Variants in WDR72 observed in about 807,000 individuals in gnomAD.
WDR72 encodes WD repeat-containing protein 72.
A neutral mutation model predicts 124.2 loss-of-function variants in WDR72; 120 were observed. That is an observed-to-expected ratio of 0.97 (90% CI 0.83 to 1.12). WDR72 has a LOEUF of 1.12. Among genes scored for constraint, WDR72 ranks in the 50% most tolerant of loss-of-function variants. The pLI is 0.00. For missense variants in WDR72, 1,387 were observed against 1,278.8 expected (o/e 1.08, Z -1.29); for synonymous variants, 452 against 441.7 (o/e 1.02, Z -0.29).
chr15:53,604,976 T>A (rs1018141549), intron 17 of WDR72, among the ~76,000 whole-genome samples: 2 of 152,160 alleles, frequency 1.3e-5, no homozygotes, highest in Non-Finnish European at 2.9e-5. Context: ...AACCCAACAA[T>A]CCCATTAGTG....
rs767024154 is a variant in WDR72 at position 53,716,657 on chromosome 15, C to T, written c.289G>A (p.Gly97Arg). The T allele has an allele frequency of 5.0e-6, 8 of 1,608,434 alleles. No individual in the cohort carries two copies. The highest frequency in any genetic ancestry group is 4.5e-5 in the East Asian group (2 of 44,828). ...AGTGTAGCCTTCTCCATGCACTGTC[C>T]ATTGGTGACATTCCAAACACACATC... ...GEMCVWNVTNGQCMEKATLPY... is the reference protein window; with the variant it reads ...GEMCVWNVTNRQCMEKATLPY... Residue 97 changes from glycine (G) to arginine (R), a missense_variant, in exon 4 of 20, where the codon GGA becomes AGA. Transcript: ENST00000360509.
intron 18 of WDR72, among the ~76,000 whole-genome samples, chr15:53,566,032 G>A (rs1178553099): frequency 1.3e-5 from 2 of 151,968 alleles, no homozygotes; most frequent in Non-Finnish European, 2.9e-5. Context: ...AAAATGGATG[G>A]ATTAGAGATA....
intron 13 of WDR72, among the ~76,000 whole-genome samples, chr15:53,673,835 CA>C (rs1433250983): frequency 6.6e-6 from 1 of 151,834 alleles, no homozygotes; most frequent in Non-Finnish European, 1.5e-5. Flanking sequence ...ACTAAAAATA[CA>C]AAAAATTAGC....
At chr15:53,610,860 T>C (rs952504443) in intron 16 of WDR72, among the ~76,000 whole-genome samples, 4 of 152,100 alleles carry the variant, frequency 2.6e-5, no homozygotes, top group African/African-American at 9.7e-5. Flanking sequence ...CTGTTTTTCC[T>C]CCCTCTCCCA....
chr15:53,715,006 G>A (rs763450179), intron 5 of WDR72, among the ~76,000 whole-genome samples, 187 bp downstream of exon 5: 2 of 152,148 alleles, frequency 1.3e-5, no homozygotes, highest in Non-Finnish European at 2.9e-5. Flanking sequence ...ACTTTCCAAT[G>A]TTTTGAACCA....
intron 1 of WDR72, among the ~76,000 whole-genome samples, chr15:53,740,474 AT>A (rs376017088): frequency 6.6e-6 from 1 of 151,932 alleles, no homozygotes; most frequent in African/African-American, 2.4e-5. Context: ...CGCCCGGCTA[AT>A]TTTTTGTATT....
intron 18 of WDR72, among the ~76,000 whole-genome samples, chr15:53,559,352 T>TA (rs1894049786): frequency 6.6e-6 from 1 of 152,010 alleles, no homozygotes; most frequent in Non-Finnish European, 1.5e-5. Flanking sequence ...GCAGGTTTTC[T>TA]AAAAATGTTT....
At chr15:53,557,716 T>A (rs1029169257) in intron 18 of WDR72, among the ~76,000 whole-genome samples, 16 of 152,150 alleles carry the variant, frequency 1.1e-4, no homozygotes, top group African/African-American at 3.6e-4. Flanking sequence ...GAAGGAGGTG[T>A]TCCTAGATAA....
intron 18 of WDR72, among the ~76,000 whole-genome samples, chr15:53,536,343 G>A (rs894876499): frequency 1.3e-5 from 2 of 152,124 alleles, no homozygotes; most frequent in East Asian, 1.9e-4. Flanking sequence ...AACTACAGCT[G>A]GTAGTTCTAA....
At chr15:53,562,068 T>A (rs1894143312) in intron 18 of WDR72, among the ~76,000 whole-genome samples, 1 of 151,778 alleles carries the variant, frequency 6.6e-6, no homozygotes, top group African/African-American at 2.4e-5. Flanking sequence ...TAAGCTCTTT[T>A]TAAGTAAATT....
At chr15:53,590,377 T>C (rs2012436322) in intron 18 of WDR72, among the ~76,000 whole-genome samples, 1 of 152,058 alleles carries the variant, frequency 6.6e-6, no homozygotes, top group Non-Finnish European at 1.5e-5. Flanking sequence ...GTCTTCAATA[T>C]TAATTACATC....
intron 19 of WDR72, among the ~76,000 whole-genome samples, chr15:53,520,744 T>C (rs951775507): frequency 6.6e-6 from 1 of 152,110 alleles, no homozygotes; most frequent in African/African-American, 2.4e-5. Flanking sequence ...CTTGATATTT[T>C]GAAGTTAACG....
At chr15:53,631,318 G>A (rs1352366948) in intron 14 of WDR72, among the ~76,000 whole-genome samples, 1 of 152,152 alleles carries the variant, frequency 6.6e-6, no homozygotes, top group Non-Finnish European at 1.5e-5. Context: ...TAAGTTTCCT[G>A]AGGCCTATTC....
intron 13 of WDR72, among the ~76,000 whole-genome samples, chr15:53,681,646 A>G (rs936976527): frequency 1.3e-5 from 2 of 152,238 alleles, no homozygotes; most frequent in African/African-American, 4.8e-5. Context: ...TTAATTGATG[A>G]AAGTAATTTT....
At chr15:53,627,681 T>G (rs1463096255) in intron 14 of WDR72, among the ~76,000 whole-genome samples, 1 of 152,088 alleles carries the variant, frequency 6.6e-6, no homozygotes, top group African/African-American at 2.4e-5. Flanking sequence ...TCCTTAATAT[T>G]CTTATTGAAA....
chr15:53,567,691 T>A (rs951744079), intron 18 of WDR72, among the ~76,000 whole-genome samples: 4 of 152,072 alleles, frequency 2.6e-5, no homozygotes, highest in African/African-American at 9.6e-5. Context: ...TCTAAACACC[T>A]TTTTTATGTG....
rs544358749 is a variant in WDR72 at position 53,710,917 on chromosome 15, T to C, written c.894A>G (p.Arg298=). The change falls in exon 9 of 20, where the codon AGA becomes AGG. Residue 298 remains arginine (R), a synonymous_variant. Coordinates refer to ENST00000360509, the MANE Select transcript of WDR72 (RefSeq NM_182758.4). ...LSKSIYPADG[R]VLKETIYPHL... Reference sequence around the variant, plus strand: ...GAGGATAAATGGTCTCTTTAAGCACTCTTCCATCAGCAGGGTATATGCTTT... The same window carrying C: ...GAGGATAAATGGTCTCTTTAAGCACCCTTCCATCAGCAGGGTATATGCTTT... The C allele has an allele frequency of 2.0e-5, 33 of 1,613,894 alleles. No homozygotes were observed. In the South Asian group the frequency reaches 3.3e-4, roughly 16 times the overall value.
chr15:53,666,119 C>A (rs966621507), intron 13 of WDR72, among the ~76,000 whole-genome samples: 1 of 152,146 alleles, frequency 6.6e-6, no homozygotes, highest in African/African-American at 2.4e-5. Context: ...CCTAGTGTTC[C>A]AACTCACAAG....
intron 18 of WDR72, 80 bp downstream of exon 18, chr15:53,596,999 A>C (rs532054449): frequency 1.7e-5 from 23 of 1,366,702 alleles, no homozygotes; most frequent in Non-Finnish European, 2.4e-5. Flanking sequence ...AAAATCGTTC[A>C]GTTGCACCAC....
Sources: gnomAD v4.1 joint callset for allele counts (sites outside exome capture counted in the v4.1 genomes callset) on GRCh38, gnomAD v4.1.1 for gene constraint, MANE v1.5 for transcripts, NCBI Gene and HGNC (gene_info 2026-07-23, HGNC 2026-07-21) for gene names.